Variants in ASIC2 observed in about 807,000 individuals in gnomAD.
ASIC2 encodes the protein acid-sensing ion channel 2.
Under a neutral mutation model 57.3 loss-of-function variants are expected in ASIC2, and 25 were observed. That is an observed-to-expected ratio of 0.44 (90% CI 0.32 to 0.61). The LOEUF is 0.61. ASIC2 is among the 20% of genes least tolerant of loss of function. The pLI, the probability that ASIC2 is intolerant of heterozygous loss-of-function variation, is 0.06. For synonymous variants in ASIC2, 319 were observed against 307.5 expected (o/e 1.04, Z -0.39); for missense variants, 641 against 738.1 (o/e 0.87, Z 1.52).
intron 3 of ASIC2, among the ~76,000 whole-genome samples, chr17:33,065,138 A>C (rs368297872): frequency 2.6e-5 from 4 of 152,282 alleles, no homozygotes; most frequent in African/African-American, 9.6e-5. Flanking sequence ...ACTGAAATTA[A>C]TGGCACATAA....
chr17:33,371,270 C>T (rs549572167), intron 1 of ASIC2, among the ~76,000 whole-genome samples: 36 of 152,314 alleles, frequency 2.4e-4, no homozygotes, highest in Admixed American at 7.2e-4. Flanking sequence ...AGCTAACTTG[C>T]TGGGAATGTA....
intron 1 of ASIC2, among the ~76,000 whole-genome samples, chr17:33,700,861 C>A (rs1180883912): frequency 6.6e-6 from 1 of 152,156 alleles, no homozygotes; most frequent in African/African-American, 2.4e-5. Context: ...TTGGTCCCAT[C>A]CTGACTACTC....
chr17:33,520,666 G>A (rs1914713128), intron 1 of ASIC2, among the ~76,000 whole-genome samples: 1 of 152,248 alleles, frequency 6.6e-6, no homozygotes, highest in African/African-American at 2.4e-5. Context: ...CACGGACAGG[G>A]CCCCTCTTGG....
chr17:33,372,080 C>G (rs1431758044), intron 1 of ASIC2, among the ~76,000 whole-genome samples: 3 of 152,098 alleles, frequency 2.0e-5, no homozygotes, highest in African/African-American at 7.2e-5. Flanking sequence ...CAGACCCTCT[C>G]TGCCTCTCCT....
intron 1 of ASIC2, among the ~76,000 whole-genome samples, chr17:33,363,700 G>A (rs1908698316): frequency 6.6e-6 from 1 of 152,234 alleles, no homozygotes; most frequent in African/African-American, 2.4e-5. Context: ...GTTGGGAAAT[G>A]AGGAGAATCC....
At chr17:33,552,687 T>C (rs1380096067) in intron 1 of ASIC2, among the ~76,000 whole-genome samples, 2 of 152,262 alleles carry the variant, frequency 1.3e-5, no homozygotes, top group East Asian at 1.9e-4. Context: ...ATAGATACTT[T>C]GAATATTTCT....
intron 2 of ASIC2, among the ~76,000 whole-genome samples, chr17:33,104,069 T>A (rs2092225315): frequency 6.6e-6 from 1 of 152,228 alleles, no homozygotes; most frequent in African/African-American, 2.4e-5. Flanking sequence ...CCCTCAGTTC[T>A]CAGCCTCGTG....
chr17:33,045,210 T>A (rs2141922125), intron 3 of ASIC2, among the ~76,000 whole-genome samples: 1 of 152,246 alleles, frequency 6.6e-6, no homozygotes, highest in East Asian at 1.9e-4. Context: ...ATACTGTGAA[T>A]CCTAGGTATC....
At chr17:33,759,019 AG>A (rs1910699084) in intron 1 of ASIC2, among the ~76,000 whole-genome samples, 1 of 152,252 alleles carries the variant, frequency 6.6e-6, no homozygotes, top group Admixed American at 6.5e-5. Flanking sequence ...TTGGAAGAGC[AG>A]GCTAGAAAAA....
chr17:33,415,954 T>C (rs1910829117), intron 1 of ASIC2, among the ~76,000 whole-genome samples: 1 of 152,130 alleles, frequency 6.6e-6, no homozygotes, highest in African/African-American at 2.4e-5. Context: ...AATAAAGAAA[T>C]TATTTCCATG....
At chr17:33,419,622 C>T (rs1025894518) in intron 1 of ASIC2, among the ~76,000 whole-genome samples, 2 of 152,146 alleles carry the variant, frequency 1.3e-5, no homozygotes, top group African/African-American at 4.8e-5. Flanking sequence ...CTCTTTGATC[C>T]AGCAATTCCT....
At chr17:33,682,242 T>C (rs1345450309) in intron 1 of ASIC2, among the ~76,000 whole-genome samples, 4 of 150,456 alleles carry the variant, frequency 2.7e-5, no homozygotes, top group Non-Finnish European at 5.9e-5. Context: ...TTTTTTTTTA[T>C]TTTTAGTAGA....
chr17:33,525,360 G>A (rs921586042), intron 1 of ASIC2, among the ~76,000 whole-genome samples: 4 of 152,202 alleles, frequency 2.6e-5, no homozygotes, highest in African/African-American at 9.6e-5. Flanking sequence ...GGCTGTTTGT[G>A]TGAGGCTACC....
chr17:33,608,107 C>A (rs1290630358), intron 1 of ASIC2, among the ~76,000 whole-genome samples: 1 of 152,116 alleles, frequency 6.6e-6, no homozygotes, highest in East Asian at 1.9e-4. Context: ...TTGGGACTCT[C>A]AAAAGATGGG....
chr17:33,753,798 C>T (rs1285956784), intron 1 of ASIC2, among the ~76,000 whole-genome samples: 1 of 152,144 alleles, frequency 6.6e-6, no homozygotes, highest in African/African-American at 2.4e-5. Flanking sequence ...GTGCATACTC[C>T]TAAATTAGGT....
At chr17:33,318,811 G>A (rs890940166) in intron 1 of ASIC2, among the ~76,000 whole-genome samples, 1 of 152,110 alleles carries the variant, frequency 6.6e-6, no homozygotes, top group African/African-American at 2.4e-5. Context: ...GAGGACACAA[G>A]AAGGCCCTTT....
intron 1 of ASIC2, among the ~76,000 whole-genome samples, chr17:33,973,972 G>A (rs1444713440): frequency 1.3e-5 from 2 of 152,110 alleles, no homozygotes; most frequent in South Asian, 2.1e-4. Context: ...TGGTCCAGGG[G>A]AAGGAAAGTT....
Position 33,021,248 on chromosome 17 carries a change from T to C in ASIC2, c.1412A>G (p.Lys471Arg). 5.1e-6 allele frequency: 8 copies of C among 1,562,580 alleles called. No homozygotes were observed. The highest frequency in any genetic ancestry group is 6.1e-6 in the Non-Finnish European group (7 of 1,146,576). The change falls in exon 7 of 10, where the codon AAG becomes AGG. Residue 471 changes from lysine to arginine, a missense_variant. Lys to Arg is a conservative substitution (Grantham distance 26). Around this residue, in one of 3 missense-constraint regions of ASIC2, gnomAD observed 252 missense variants for 319.8 expected, o/e 0.79. Coordinates refer to ENST00000225823, the MANE Select transcript of ASIC2 (RefSeq NM_183377.2). ...EALNYETIEQ[K>R]KAYEVAALLG... ...TAAGGCAGCAACTTCATACGCCTTC[T>C]TCTGTTCAATTGTCTCATAATTGAG...
chr17:33,843,076 G>A (rs756963676), intron 1 of ASIC2, among the ~76,000 whole-genome samples: 13 of 152,174 alleles, frequency 8.5e-5, no homozygotes, highest in Non-Finnish European at 1.8e-4. Flanking sequence ...GTGCACATAC[G>A]AATGTGATTA....
Sources: gnomAD v4.1 joint callset for allele counts (sites outside exome capture counted in the v4.1 genomes callset) on GRCh38, gnomAD v4.1.1 for gene constraint, gnomAD v4.1.1 regional missense constraint, MANE v1.5 for transcripts, NCBI Gene and HGNC (gene_info 2026-07-23, HGNC 2026-07-21) for gene names.